Variants in STARD8 observed in about 807,000 individuals in gnomAD.
STARD8 encodes the protein stAR-related lipid transfer protein 8.
Under a neutral mutation model 69.4 loss-of-function variants are expected in STARD8, and 25 were observed. The ratio of observed to expected loss-of-function variants is 0.36; its 90% confidence interval spans 0.26 to 0.50. STARD8 has a LOEUF of 0.50. Ranked by LOEUF, STARD8 falls within the 20% of genes least tolerant of loss-of-function variation. The pLI, the probability that STARD8 is intolerant of heterozygous loss-of-function variation, is 0.96. For missense variants in STARD8, 921 were observed against 932.5 expected (o/e 0.99, Z 0.16); for synonymous variants, 389 against 374.6 (o/e 1.04, Z -0.45).
At chrX:68,693,047 C>T (rs1222359736) in intron 2 of STARD8, among the ~76,000 whole-genome samples, 4 of 112,835 alleles carry the variant, frequency 3.5e-5, no homozygotes, top group African/African-American at 9.7e-5. Flanking sequence ...TGCTTACTAT[C>T]AGAACTCCTG....
intron 12 of STARD8, among the ~76,000 whole-genome samples, chrX:68,722,999 G>C (rs1172020777): frequency 8.9e-6 from 1 of 112,342 alleles, no homozygotes; most frequent in Non-Finnish European, 1.9e-5. Flanking sequence ...GGACTGCCCT[G>C]ACCCCAAGCA....
chrX:68,697,824 C>G (rs2079933386), intron 2 of STARD8, among the ~76,000 whole-genome samples: 1 of 112,256 alleles, frequency 8.9e-6, no homozygotes, highest in South Asian at 3.7e-4. Context: ...GCCTCTGCCC[C>G]CACCCACCTC....
intron 2 of STARD8, among the ~76,000 whole-genome samples, chrX:68,666,011 A>G (rs1291253528): frequency 8.9e-6 from 1 of 111,863 alleles, no homozygotes; most frequent in Non-Finnish European, 1.9e-5. Context: ...TTTGGAGTTC[A>G]TTAGACTGAG....
rs570095230 is a variant in STARD8, at chrX:68,650,276, G to A, written c.45+2349G>A. On this transcript the variant is annotated intron_variant, in intron 1 of 14. Transcript: ENST00000374599. ...TTATGAAAAATAAAAAAAATTTGCT[G>A]GGCACGGTGATGCATAATGGACACC... 7.1e-4 allele frequency among the ~76,000 whole-genome samples: 77 copies of A among 108,408 alleles called. 2 individuals are homozygous for A. In the South Asian group the frequency reaches 0.031, roughly 44 times the overall value. 94.1% of individuals were successfully genotyped at this position (108,408 alleles called of 115,157 possible).
intron 2 of STARD8, among the ~76,000 whole-genome samples, chrX:68,670,368 TG>T (rs1171334601): frequency 9.1e-6 from 1 of 109,417 alleles, no homozygotes; most frequent in African/African-American, 3.3e-5. Context: ...GAAGGGGAGG[TG>T]GGGGTAGGGT....
At chrX:68,664,396 T>C (rs1388316417) in intron 1 of STARD8, among the ~76,000 whole-genome samples, 1 of 112,105 alleles carries the variant, frequency 8.9e-6, no homozygotes. Flanking sequence ...CTTTTGAAGG[T>C]AGAAATCAGA....
chrX:68,722,533 C>T lies in STARD8; in HGVS notation c.2686C>T (p.Leu896=), dbSNP rs1232556033. The T allele has an allele frequency of 1.7e-6, 2 of 1,211,978 alleles. No homozygotes were observed. Among genetic ancestry groups the T allele is most frequent in the Admixed American group, 4.3e-5 (2 of 46,128 alleles). The change falls in exon 12 of 15, where the codon CTG becomes TTG. Residue 896 remains leucine, a synonymous_variant. Coordinates refer to ENST00000374599, the MANE Select transcript of STARD8 (RefSeq NM_001142503.3). ...TCAGGCCCAAGCTGCAGGGGTAAGC[C>T]TGAGCCTCTACATGGAAGAGAATAT... ...LRQAQAAGVS[L]SLYMEENIQD...
At position 68,717,957 on chromosome X, in the gene STARD8, C is replaced by A; in HGVS notation, c.1043C>A (p.Thr348Lys). Residue 348 changes from threonine to lysine, a missense_variant, in exon 6 of 15, where the codon ACG becomes AAG. By Grantham distance (78) the Thr-to-Lys change is moderately conservative (BLOSUM62 -1). Transcript: ENST00000374599. ...CEGRRGSCGS[T>K]GSHASTYDNL... The stretch of plus-strand genomic sequence containing the variant: ...GGGCGCCGGGGCTCCTGTGGCTCAA[C>A]GGGCAGCCATGCCAGCACGTATGAC... 1.7e-6 allele frequency: 2 copies of A among 1,209,608 alleles called. No homozygotes were observed. Among genetic ancestry groups the A allele is most frequent in the Non-Finnish European group, 1.1e-6 (1 of 894,479 alleles).
At chrX:68,722,726 A>G in intron 12 of STARD8, 80 bp downstream of exon 12, 1 of 1,016,882 alleles carries the variant, frequency 9.8e-7, no homozygotes. Flanking sequence ...ACCCAAAGGA[A>G]GGAGCCGGGG....
intron 2 of STARD8, among the ~76,000 whole-genome samples, chrX:68,707,792 C>T (rs1267325071): frequency 9.0e-6 from 1 of 111,524 alleles, no homozygotes; most frequent in Non-Finnish European, 1.9e-5. Flanking sequence ...TAGGCATGAG[C>T]AGGCTGAACC....
intron 1 of STARD8, among the ~76,000 whole-genome samples, chrX:68,651,068 C>T (rs1470759873): frequency 1.8e-5 from 2 of 112,563 alleles, no homozygotes; most frequent in East Asian, 5.6e-4. Flanking sequence ...CACATGTACA[C>T]ACAGACAGTG....
At position 68,715,292 on chromosome X, in the gene STARD8, A is replaced by G. The variant is rs1291228809; in HGVS notation, c.152-2A>G. The stretch of plus-strand genomic sequence containing the variant: ...TCATCTTTGCTTCTCTCTGCCATAC[A>G]GAAGGTTCGTTTCCCCTGGATATTG... On this transcript the variant is annotated splice_acceptor_variant, in intron 3 of 14. Coordinates refer to ENST00000374599, the MANE Select transcript of STARD8 (RefSeq NM_001142503.3). LOFTEE classifies it high-confidence loss of function. The G allele has an allele frequency of 1.7e-6, 2 of 1,203,591 alleles. No homozygotes were observed. The highest frequency in any genetic ancestry group is 2.2e-6 in the Non-Finnish European group (2 of 891,509).
chrX:68,685,302 C>T (rs1415898910), intron 2 of STARD8, among the ~76,000 whole-genome samples: 2 of 111,824 alleles, frequency 1.8e-5, no homozygotes, highest in Non-Finnish European at 3.8e-5. Flanking sequence ...CCAGGTTATG[C>T]CACAGTTAGA....
At position 68,694,921 on chromosome X, in the gene STARD8, G is replaced by T. The variant is rs761710194; in HGVS notation, c.80-17993G>T. Among the ~76,000 whole-genome samples, 29 of 110,883 alleles carry T rather than the reference G, an allele frequency of 2.6e-4. No homozygotes were observed. The Admixed American group carries it at 2.7e-3, about 10-fold the overall frequency. On this transcript the variant is annotated intron_variant, in intron 2 of 14. Coordinates refer to ENST00000374599, the MANE Select transcript of STARD8 (RefSeq NM_001142503.3). ...AGAGGTTGGGGGCCTCAGAGATTGG[G>T]CTGGCTTGGAGCCTATGCTTACCCC...
At chrX:68,667,333 C>G (rs2079689982) in intron 2 of STARD8, among the ~76,000 whole-genome samples, 1 of 111,667 alleles carries the variant, frequency 9.0e-6, no homozygotes, top group Admixed American at 9.5e-5. Flanking sequence ...CTTCCTCTGT[C>G]TGGGCTGGCA....
chrX:68,658,807 C>T (rs1206910602), intron 1 of STARD8, among the ~76,000 whole-genome samples: 2 of 112,777 alleles, frequency 1.8e-5, no homozygotes, highest in Admixed American at 9.4e-5. Context: ...CTCCATCCCT[C>T]TGGGCAGCCC....
At chrX:68,653,182 CA>C (rs2079576079) in intron 1 of STARD8, among the ~76,000 whole-genome samples, 1 of 43,750 alleles carries the variant, frequency 2.3e-5, no homozygotes. Flanking sequence ...ACACACAACA[CA>C]GCACACACAC....
rs1369585831 is a variant in STARD8, at chrX:68,687,393, TACTC to T, written c.79+21870_79+21873del. On this transcript the variant is annotated intron_variant, in intron 2 of 14. Coordinates refer to ENST00000374599, the MANE Select transcript of STARD8 (RefSeq NM_001142503.3). ...GGCTACTACTTCTGAGTAATTGTTA[TACTC>T]ACTCACTCTCTCTCGAGACTCGAAC... 8.0e-5 allele frequency among the ~76,000 whole-genome samples: 9 copies of T among 111,997 alleles called. No individual in the cohort carries two copies. In the East Asian group the frequency reaches 1.1e-3, roughly 14 times the overall value.
At chrX:68,653,477 A>AG (rs2079588279) in intron 1 of STARD8, among the ~76,000 whole-genome samples, 1 of 23,026 alleles carries the variant, frequency 4.3e-5, no homozygotes, top group Non-Finnish European at 8.4e-5. Context: ...CACACCCCAC[A>AG]CACACACCCC....
Sources: gnomAD v4.1 joint callset for allele counts (sites outside exome capture counted in the v4.1 genomes callset) on GRCh38, gnomAD v4.1.1 for gene constraint, MANE v1.5 for transcripts, NCBI Gene and HGNC (gene_info 2026-07-23, HGNC 2026-07-21) for gene names.